Variants in GREB1L observed in about 807,000 individuals in gnomAD.
GREB1L encodes the protein GREB1-like protein.
GREB1L carries 17 observed loss-of-function variants against 200.8 expected under a neutral mutation model. The observed-to-expected ratio is 0.08, with a 90% confidence interval of 0.06 to 0.13. The LOEUF (loss-of-function observed/expected upper bound fraction) is 0.13, where lower values mean the gene tolerates loss of function less well. GREB1L is among the 10% of genes least tolerant of loss of function. The probability of loss-of-function intolerance (pLI) is 1.00; values close to 1 mark genes in which losing one functional copy is unlikely to be tolerated. For synonymous variants in GREB1L, 789 were observed against 893.0 expected, an observed-to-expected ratio of 0.88 and a Z score of 2.08; for missense variants, 1,657 against 2,367.7, an observed-to-expected ratio of 0.70 and a Z score of 6.23.
chr18:21,399,574 G>T (rs1054068500), intron 5 of GREB1L, among the ~76,000 whole-genome samples: 1 of 152,040 alleles, frequency 6.6e-6, no homozygotes, highest in Non-Finnish European at 1.5e-5. Context: ...TTTTTTGGCG[G>T]GGAGGGGCTA....
intron 1 of GREB1L, among the ~76,000 whole-genome samples, chr18:21,347,531 C>T (rs1328489568): frequency 1.3e-5 from 2 of 151,658 alleles, no homozygotes; most frequent in African/African-American, 2.4e-5. Context: ...TCTCAGCTCA[C>T]TGCAGCCTCC....
intron 1 of GREB1L, among the ~76,000 whole-genome samples, chr18:21,308,957 C>T (rs2038747006): frequency 6.6e-6 from 1 of 152,218 alleles, no homozygotes; most frequent in Non-Finnish European, 1.5e-5. Flanking sequence ...TGACCATTTC[C>T]TGAGTTCATA....
chr18:21,309,331 A>G (rs984645066), intron 1 of GREB1L, among the ~76,000 whole-genome samples: 2 of 152,210 alleles, frequency 1.3e-5, no homozygotes, highest in African/African-American at 4.8e-5. Context: ...ACACAGTATC[A>G]GGCATGTTAA....
chr18:21,271,056 A>G (rs2038070010), intron 1 of GREB1L, among the ~76,000 whole-genome samples: 1 of 152,218 alleles, frequency 6.6e-6, no homozygotes, highest in Non-Finnish European at 1.5e-5. Flanking sequence ...TAGCCAGTAC[A>G]TCATATTGAT....
intron 1 of GREB1L, among the ~76,000 whole-genome samples, chr18:21,326,219 G>A (rs1392327231): frequency 2.0e-5 from 3 of 151,730 alleles, no homozygotes; most frequent in Admixed American, 1.3e-4. Flanking sequence ...TGATACCCAC[G>A]TTTTTGCGAG....
At chr18:21,258,577 C>T (rs752081816) in intron 1 of GREB1L, among the ~76,000 whole-genome samples, 4 of 152,100 alleles carry the variant, frequency 2.6e-5, no homozygotes, top group African/African-American at 4.8e-5. Context: ...AAGCTTATTA[C>T]GTTGACTGGA....
intron 1 of GREB1L, among the ~76,000 whole-genome samples, chr18:21,364,094 G>A (rs923754859): frequency 8.1e-5 from 12 of 147,574 alleles, no homozygotes; most frequent in Non-Finnish European, 1.8e-4. Flanking sequence ...TTTTCTTTTT[G>A]TAAACAAGTG....
chr18:21,253,372 T>C (rs962276241), intron 1 of GREB1L, among the ~76,000 whole-genome samples: 3 of 150,320 alleles, frequency 2.0e-5, no homozygotes, highest in Non-Finnish European at 4.4e-5. Context: ...AATCCCAGCC[T>C]CCTTAGTAGC....
intron 1 of GREB1L, among the ~76,000 whole-genome samples, chr18:21,294,148 T>G (rs1301548132): frequency 6.6e-6 from 1 of 152,228 alleles, no homozygotes; most frequent in African/African-American, 2.4e-5. Context: ...CACATGTGGC[T>G]TTTGAGAAGT....
intron 15 of GREB1L, among the ~76,000 whole-genome samples, chr18:21,460,665 C>T (rs2035005334): frequency 1.3e-5 from 2 of 152,044 alleles, no homozygotes; most frequent in Admixed American, 1.3e-4. Context: ...AGTTGGTTCT[C>T]TCTCCCATTC....
chr18:21,266,920 G>A (rs1266690411), intron 1 of GREB1L, among the ~76,000 whole-genome samples: 1 of 152,054 alleles, frequency 6.6e-6, no homozygotes, highest in East Asian at 1.9e-4. Context: ...CTGACATTTA[G>A]CTGTTTTTTT....
At chr18:21,521,163 C>T (rs2037588018) in intron 32 of GREB1L, among the ~76,000 whole-genome samples, 2 of 152,070 alleles carry the variant, frequency 1.3e-5, no homozygotes, top group Admixed American at 1.3e-4. Context: ...CGCCACTGCA[C>T]TCCAGCCTGG....
intron 2 of GREB1L, among the ~76,000 whole-genome samples, chr18:21,371,018 G>A (rs2039851879): frequency 1.3e-5 from 2 of 152,046 alleles, no homozygotes; most frequent in Admixed American, 1.3e-4. Context: ...CCCACGAGGT[G>A]GAGGTTGCAG....
intron 7 of GREB1L, among the ~76,000 whole-genome samples, chr18:21,415,588 GGAAAGAAA>G (rs773672640): frequency 2.6e-5 from 4 of 151,942 alleles, no homozygotes; most frequent in Non-Finnish European, 5.9e-5. Flanking sequence ...GAAAAGAAAA[GGAAAGAAA>G]GAGAGAAAGA....
intron 25 of GREB1L, 35 bp downstream of exon 25, chr18:21,505,984 C>A: frequency 6.5e-7 from 1 of 1,535,752 alleles, no homozygotes. Flanking sequence ...CCTCTGTCAC[C>A]CAGTATGGAT....
chr18:21,438,159 A>G (rs2033665610), intron 7 of GREB1L, among the ~76,000 whole-genome samples: 1 of 152,126 alleles, frequency 6.6e-6, no homozygotes, highest in South Asian at 2.1e-4. Context: ...CTGTAGCCCC[A>G]GCTACTTGGC....
At chr18:21,279,838 T>C (rs940949270) in intron 1 of GREB1L, among the ~76,000 whole-genome samples, 4 of 152,152 alleles carry the variant, frequency 2.6e-5, no homozygotes, top group African/African-American at 9.7e-5. Flanking sequence ...TAAAAAACAG[T>C]ACTTTATTGG....
chr18:21,380,292 T>A (rs2040247934), intron 2 of GREB1L: 1 of 151,994 alleles, frequency 6.6e-6, no homozygotes, highest in African/African-American at 2.4e-5. Flanking sequence ...TGAGATAGAG[T>A]TGTGGATTCC....
chr18:21,265,447 C>T (rs1270249768), intron 1 of GREB1L, among the ~76,000 whole-genome samples: 1 of 152,002 alleles, frequency 6.6e-6, no homozygotes, highest in Non-Finnish European at 1.5e-5. Context: ...AATCAAGTAG[C>T]ATGAAAAAAT....
Sources: gnomAD v4.1 joint callset for allele counts (sites outside exome capture counted in the v4.1 genomes callset) on GRCh38, gnomAD v4.1.1 for gene constraint, MANE v1.5 for transcripts, NCBI Gene and HGNC (gene_info 2026-07-23, HGNC 2026-07-21) for gene names.